ASB4: variants seen among roughly 807,000 people sequenced by gnomAD.
ASB4 encodes the protein ankyrin repeat and SOCS box protein 4.
ASB4 carries 35 observed loss-of-function variants against 38.6 expected under a neutral mutation model. That is an observed-to-expected ratio of 0.91 (90% confidence interval 0.69 to 1.20). ASB4 has a LOEUF of 1.20. Among genes scored for constraint, ASB4 ranks in the 50% most tolerant of loss-of-function variants. ASB4 has a pLI of 0.00. For synonymous variants in ASB4, 195 were observed against 201.3 expected, an observed-to-expected ratio of 0.97 and a Z score of 0.26; for missense variants, 557 against 527.2, an observed-to-expected ratio of 1.06 and a Z score of -0.55.
intron 3 of ASB4, among the ~76,000 whole-genome samples, chr7:95,530,601 G>A (rs1790807749): frequency 6.6e-6 from 1 of 152,120 alleles, no homozygotes; most frequent in Non-Finnish European, 1.5e-5. Context: ...TTGAGGGAGA[G>A]CAAGGAAGCC....
At chr7:95,513,461 GC>G (rs2116619845) in intron 2 of ASB4, among the ~76,000 whole-genome samples, 1 of 151,990 alleles carries the variant, frequency 6.6e-6, no homozygotes, top group East Asian at 1.9e-4. Context: ...TGTTGCCAGA[GC>G]CCTTCCTTGC....
intron 4 of ASB4, among the ~76,000 whole-genome samples, chr7:95,537,304 TG>T: frequency 6.6e-6 from 1 of 152,334 alleles, no homozygotes; most frequent in East Asian, 1.9e-4. Flanking sequence ...ATTGCTATTT[TG>T]GTTTAGATTC....
At chr7:95,470,682 G>A in the ASB4 span, among the ~76,000 whole-genome samples, 3 of 152,150 alleles carry the variant, frequency 2.0e-5, no homozygotes, top group Non-Finnish European at 2.9e-5. Flanking sequence ...CCTGTTTGCT[G>A]TTTGGACAGG....
intron 3 of ASB4, among the ~76,000 whole-genome samples, chr7:95,529,145 A>T (rs1011807618): frequency 6.6e-6 from 1 of 152,230 alleles, no homozygotes; most frequent in Non-Finnish European, 1.5e-5. Context: ...GCTGTGGTAA[A>T]TGACAAGGTA....
intron 2 of ASB4, among the ~76,000 whole-genome samples, chr7:95,525,982 G>A (rs1397810931): frequency 6.6e-6 from 1 of 152,152 alleles, no homozygotes; most frequent in Non-Finnish European, 1.5e-5. Flanking sequence ...ATATGATCAG[G>A]AGATGCCATA....
intron 2 of ASB4, among the ~76,000 whole-genome samples, chr7:95,504,364 A>G (rs1299222860): frequency 6.6e-6 from 1 of 152,200 alleles, no homozygotes; most frequent in Non-Finnish European, 1.5e-5. Context: ...CATGTTAGGA[A>G]ATTCCCTGGT....
chr7:95,479,185 A>G (rs903240876), intron 1 of ASB4, among the ~76,000 whole-genome samples: 1 of 152,180 alleles, frequency 6.6e-6, no homozygotes, highest in African/African-American at 2.4e-5. Flanking sequence ...ATTATTTGAA[A>G]CACACAGCTT....
At chr7:95,471,622 G>A in the ASB4 span, among the ~76,000 whole-genome samples, 2 of 152,204 alleles carry the variant, frequency 1.3e-5, no homozygotes, top group African/African-American at 4.8e-5. Flanking sequence ...AACAATAATT[G>A]TCTAATTTTG....
intron 2 of ASB4, among the ~76,000 whole-genome samples, chr7:95,506,507 A>C (rs1790409820): frequency 6.6e-6 from 1 of 152,148 alleles, no homozygotes; most frequent in East Asian, 1.9e-4. Context: ...ACCCCAGTGC[A>C]TGAATTCTAC....
At chr7:95,545,929 C>A in the ASB4 span, among the ~76,000 whole-genome samples, 1,861 of 152,284 alleles carry the variant, frequency 0.012, 39 homozygotes, top group African/African-American at 0.043. Context: ...ACATCTCCAC[C>A]GGTATGGTCA....
chr7:95,536,444 A>G lies in ASB4; in HGVS notation c.986A>G (p.Gln329Arg). Residue 329 changes from glutamine (Q) to arginine (R), a missense_variant, in exon 4 of 5, where the codon CAG becomes CGG. Physicochemically the swap from Gln to Arg is conservative, Grantham distance 43. Coordinates refer to ENST00000325885, the MANE Select transcript of ASB4 (RefSeq NM_016116.3). ...TCTGTGCTTCCTCTGCAGGTGATAC[A>G]GGCCTGCCATTCTTGTCCTAAAGCA... ...IYPPQFHKVI[Q>R]ACHSCPKAIE... The G allele has an allele frequency of 4.4e-6, 7 of 1,606,452 alleles. No homozygotes were observed. Among genetic ancestry groups the G allele is most frequent in the Non-Finnish European group, 6.0e-6 (7 of 1,173,378 alleles).
intron 2 of ASB4, among the ~76,000 whole-genome samples, chr7:95,519,067 TA>T (rs1295573275): frequency 6.6e-6 from 1 of 152,166 alleles, no homozygotes; most frequent in Non-Finnish European, 1.5e-5. Flanking sequence ...ATGTGAGTGT[TA>T]GATAAATGAG....
At chr7:95,536,813 C>T (rs900325194) in intron 4 of ASB4, among the ~76,000 whole-genome samples, 1 of 152,138 alleles carries the variant, frequency 6.6e-6, no homozygotes, top group Non-Finnish European at 1.5e-5. Flanking sequence ...TTCCTTTCTT[C>T]TCATTAATTT....
At chr7:95,503,287 G>A (rs1790365785) in intron 2 of ASB4, among the ~76,000 whole-genome samples, 1 of 152,164 alleles carries the variant, frequency 6.6e-6, no homozygotes, top group Non-Finnish European at 1.5e-5. Context: ...CCCATCTTAT[G>A]CATGAGGAGA....
At chr7:95,513,583 G>A (rs1790515535) in intron 2 of ASB4, among the ~76,000 whole-genome samples, 1 of 152,050 alleles carries the variant, frequency 6.6e-6, no homozygotes, top group Non-Finnish European at 1.5e-5. Flanking sequence ...ATTTACATGT[G>A]AATCTCATCT....
chr7:95,491,987 A>G (rs1423237533), intron 1 of ASB4, among the ~76,000 whole-genome samples: 1 of 152,208 alleles, frequency 6.6e-6, no homozygotes, highest in Admixed American at 6.5e-5. Context: ...GATACACTTC[A>G]GTATACCCTA....
the ASB4 span, among the ~76,000 whole-genome samples, chr7:95,547,489 C>T: frequency 6.6e-6 from 1 of 152,158 alleles, no homozygotes; most frequent in Non-Finnish European, 1.5e-5. Flanking sequence ...TTCTTTATTG[C>T]TTAATCGTGT....
intron 2 of ASB4, among the ~76,000 whole-genome samples, chr7:95,502,832 T>C (rs1224365315): frequency 5.9e-5 from 9 of 152,192 alleles, no homozygotes; most frequent in Admixed American, 5.9e-4. Flanking sequence ...AATTTTTAAA[T>C]GTATTTAGAG....
At chr7:95,533,886 C>T (rs943880108) in intron 3 of ASB4, among the ~76,000 whole-genome samples, 4 of 152,150 alleles carry the variant, frequency 2.6e-5, no homozygotes, top group Non-Finnish European at 4.4e-5. Context: ...CTCTCTCGTG[C>T]CTATTAGGAT....
Sources: allele counts gnomAD v4.1 joint callset (sites outside exome capture counted in the v4.1 genomes callset), GRCh38; gene constraint gnomAD v4.1.1; transcripts MANE v1.5; gene names NCBI Gene and HGNC (gene_info 2026-07-23, HGNC 2026-07-21).